WIPF1: variants seen among roughly 807,000 people sequenced by gnomAD.
WIPF1 encodes WAS/WASL interacting protein family member 1.
WIPF1 carries 13 observed loss-of-function variants against 35.4 expected under a neutral mutation model. The ratio of observed to expected loss-of-function variants is 0.37; its 90% CI spans 0.24 to 0.58. The LOEUF is 0.58. Among genes scored for constraint, WIPF1 ranks in the 20% least tolerant of loss-of-function variants. The pLI is 0.74. For synonymous variants in WIPF1, 267 were observed against 266.3 expected (o/e 1.00, Z -0.02); for missense variants, 591 against 667.0 (o/e 0.89, Z 1.25).
intron 1 of WIPF1, among the ~76,000 whole-genome samples, chr2:174,612,670 A>T (rs1378477328): frequency 6.6e-6 from 1 of 151,970 alleles, no homozygotes; most frequent in Non-Finnish European, 1.5e-5. Context: ...TCTTCTTTTT[A>T]ACATGTGCTA....
chr2:174,627,079 G>GT (rs2105924958), intron 1 of WIPF1, among the ~76,000 whole-genome samples: 1 of 152,228 alleles, frequency 6.6e-6, no homozygotes, highest in African/African-American at 2.4e-5. Context: ...TGGCTACATG[G>GT]TGAATTATCT....
chr2:174,569,407 G>A (rs1319270276), intron 5 of WIPF1, among the ~76,000 whole-genome samples: 1 of 152,154 alleles, frequency 6.6e-6, no homozygotes, highest in Non-Finnish European at 1.5e-5. Flanking sequence ...GAGGAAAAGT[G>A]TCTCATTTGC....
intron 2 of WIPF1, among the ~76,000 whole-genome samples, chr2:174,584,339 T>C (rs1055380908): frequency 1.3e-5 from 2 of 152,152 alleles, no homozygotes; most frequent in Non-Finnish European, 2.9e-5. Context: ...AGCTAATTAA[T>C]AGGCAGTTCT....
intron 1 of WIPF1, among the ~76,000 whole-genome samples, chr2:174,667,543 A>T (rs1687918596): frequency 1.3e-5 from 2 of 152,166 alleles, no homozygotes; most frequent in South Asian, 2.1e-4. Flanking sequence ...GCCTGTGAGG[A>T]TCCCTGGTCA....
chr2:174,616,751 T>C (rs1686517390), intron 1 of WIPF1, among the ~76,000 whole-genome samples: 1 of 152,212 alleles, frequency 6.6e-6, no homozygotes. Context: ...AGAGAACAGG[T>C]GGCAACTGCT....
intron 7 of WIPF1, among the ~76,000 whole-genome samples, chr2:174,563,429 G>A (rs949841298): frequency 6.6e-6 from 1 of 152,076 alleles, no homozygotes; most frequent in Non-Finnish European, 1.5e-5. Context: ...CGGGCATGTT[G>A]GTGTGCGCCT....
At chr2:174,680,747 T>C (rs988719657) in intron 1 of WIPF1, among the ~76,000 whole-genome samples, 1 of 152,170 alleles carries the variant, frequency 6.6e-6, no homozygotes, top group South Asian at 2.1e-4. Flanking sequence ...TACCCTCTCT[T>C]CACCACCCAC....
chr2:174,623,710 T>C (rs1007407052), intron 1 of WIPF1, among the ~76,000 whole-genome samples: 2 of 152,214 alleles, frequency 1.3e-5, no homozygotes, highest in Non-Finnish European at 1.5e-5. Context: ...CCATCACCAA[T>C]AGAGCTCATA....
At chr2:174,566,116 T>TCCTGACCTCGTGATCCGCCCA (rs1263076454) in intron 7 of WIPF1, 4 of 152,052 alleles carry the variant, frequency 2.6e-5, no homozygotes, top group African/African-American at 9.7e-5. Context: ...GGTCTCGAAC[T>TCCTGACCTCGTGATCCGCCCA]CCTGACCTCG....
At chr2:174,633,265 T>C (rs1363979566) in intron 1 of WIPF1, among the ~76,000 whole-genome samples, 1 of 152,238 alleles carries the variant, frequency 6.6e-6, no homozygotes, top group Non-Finnish European at 1.5e-5. Context: ...ATCACTGTTC[T>C]AGTTATTTGG....
intron 3 of WIPF1, among the ~76,000 whole-genome samples, chr2:174,579,798 G>A (rs1326339144): frequency 6.6e-6 from 1 of 152,204 alleles, no homozygotes; most frequent in Non-Finnish European, 1.5e-5. Flanking sequence ...TGTCCTAGAG[G>A]TCAGCTCCTC....
intron 2 of WIPF1, among the ~76,000 whole-genome samples, chr2:174,582,442 C>T (rs927767935): frequency 6.6e-6 from 1 of 152,236 alleles, no homozygotes; most frequent in African/African-American, 2.4e-5. Flanking sequence ...CCTTTCTAGG[C>T]TGGCCCCAGC....
rs1684716148 is a variant in WIPF1, at chr2:174,567,996, A to G, written c.1207T>C (p.Ser403Pro). 2 of 1,614,014 alleles carry G rather than the reference A, an allele frequency of 1.2e-6. No individual in the cohort carries two copies. The highest frequency in any genetic ancestry group is 1.7e-6 in the Non-Finnish European group (2 of 1,180,026). Residue 403 changes from serine (S) to proline (P), a missense_variant, in exon 6 of 8, where the codon TCC becomes CCC. Physicochemically the swap from Ser to Pro is moderately conservative, Grantham distance 74. This residue lies in a region of WIPF1 where 117 missense variants were observed against 149.6 expected (regional missense o/e 0.78). Transcript: ENST00000679041. ...CTGGGACTGTCTACTCCACTCCTGG[A>G]TGGCAACTGAGGGGTAGCAGGCAGG... ...RALPATPQLP[S>P]RSGVDSPRSG...
At position 174,567,813 on chromosome 2, in the gene WIPF1, C is replaced by T. The variant is rs1364109204; in HGVS notation, c.1342+48G>A. 3.3e-6 allele frequency: 5 copies of T among 1,510,876 alleles called. No homozygotes were observed. The African/African-American group carries it at 4.2e-5, about 13-fold the overall frequency. The allele number at this position is 1,510,876 out of a possible 1,614,324, so 93.6% of individuals were successfully genotyped here. ...CAAACCACATATACAAACAGATTTACCATTTAGTTGCTGCCCTATAGCCCA... is the reference window on the plus strand; with the variant it reads ...CAAACCACATATACAAACAGATTTATCATTTAGTTGCTGCCCTATAGCCCA... On this transcript the variant is annotated intron_variant, in intron 6 of 7. Coordinates refer to ENST00000679041, the MANE Select transcript of WIPF1 (RefSeq NM_001375834.1).
At chr2:174,575,848 G>C in intron 3 of WIPF1, among the ~76,000 whole-genome samples, 1 of 151,900 alleles carries the variant, frequency 6.6e-6, no homozygotes. Context: ...TCAGTAAAAA[G>C]GATCTTCAAA....
At chr2:174,573,307 A>G (rs1684935953) in intron 4 of WIPF1, among the ~76,000 whole-genome samples, 1 of 151,704 alleles carries the variant, frequency 6.6e-6, no homozygotes, top group South Asian at 2.1e-4. Flanking sequence ...TTATGAGTTA[A>G]TAAGTGTACC....
chr2:174,682,121 C>T (rs147777206), intron 1 of WIPF1, among the ~76,000 whole-genome samples: 209 of 152,336 alleles, frequency 1.4e-3, no homozygotes, highest in Admixed American at 4.2e-3. Flanking sequence ...GGGGGATCAC[C>T]CCCCCTCAAC....
intron 1 of WIPF1, among the ~76,000 whole-genome samples, chr2:174,608,280 A>G (rs77076636): frequency 0.011 from 1,651 of 152,308 alleles, 27 homozygotes; most frequent in African/African-American, 0.037. Flanking sequence ...CTCATATCCA[A>G]CAAATCTGCA....
intron 1 of WIPF1, among the ~76,000 whole-genome samples, chr2:174,643,657 A>G (rs1167804200): frequency 1.5e-5 from 2 of 137,206 alleles, no homozygotes; most frequent in Admixed American, 1.4e-4. Context: ...TGGTCTGCCC[A>G]CCTTGGCCTC....
Sources: gnomAD v4.1 joint callset for allele counts (sites outside exome capture counted in the v4.1 genomes callset) on GRCh38, gnomAD v4.1.1 for gene constraint, gnomAD v4.1.1 regional missense constraint, MANE v1.5 for transcripts, NCBI Gene and HGNC (gene_info 2026-07-23, HGNC 2026-07-21) for gene names.